Variants in YPEL2 observed in about 807,000 individuals in gnomAD.
YPEL2 encodes the protein yippee like 2.
Under a neutral mutation model 19.1 loss-of-function variants are expected in YPEL2, and 2 were observed. That is an observed-to-expected ratio of 0.10 (90% CI 0.04 to 0.33). The LOEUF (loss-of-function observed/expected upper bound fraction) is 0.33, where lower values mean the gene tolerates loss of function less well. YPEL2 is among the 10% of genes least tolerant of loss of function. The pLI is 1.00. For missense variants in YPEL2, 66 were observed against 140.7 expected (o/e 0.47, Z 2.68); for synonymous variants, 52 against 50.0 (o/e 1.04, Z -0.17).
intron 2 of YPEL2, chr17:59,355,027 T>G (rs1011691770): frequency 6.6e-6 from 1 of 151,942 alleles, no homozygotes; most frequent in Admixed American, 6.6e-5. Flanking sequence ...CTGTATCTAC[T>G]GGGGAAGCCA....
At chr17:59,347,403 C>T (rs769414127) in intron 1 of YPEL2, among the ~76,000 whole-genome samples, 36 of 152,120 alleles carry the variant, frequency 2.4e-4, no homozygotes, top group African/African-American at 3.9e-4. Context: ...TTGGGATTAC[C>T]GACATGAACC....
intron 2 of YPEL2, among the ~76,000 whole-genome samples, chr17:59,368,602 C>G (rs1333825782): frequency 6.6e-6 from 1 of 152,126 alleles, no homozygotes; most frequent in Non-Finnish European, 1.5e-5. Context: ...TGAGCAGAGA[C>G]AGAGAAACAT....
At chr17:59,352,781 A>G (rs1053600121) in intron 1 of YPEL2, among the ~76,000 whole-genome samples, 30 of 152,266 alleles carry the variant, frequency 2.0e-4, no homozygotes, top group African/African-American at 6.0e-4. Flanking sequence ...TAGATGAGAA[A>G]CCCAGGTGTG....
intron 2 of YPEL2, among the ~76,000 whole-genome samples, chr17:59,363,810 G>T (rs937763368): frequency 2.6e-5 from 4 of 152,242 alleles, no homozygotes; most frequent in Non-Finnish European, 2.9e-5. Context: ...GTGTGGCCTA[G>T]GTTCTTTTGG....
In YPEL2 at chr17:59,353,672, T is replaced by C. The variant is rs2047798477; in HGVS notation, c.117+146T>C. On this transcript the variant is annotated intron_variant, in intron 2 of 4. Transcript: ENST00000312655. This position sits in a 1 kb window ranked among gnomAD's most constrained non-coding sequence, Gnocchi z 4.8. ...GACCCACGTGACCGTCTCACTCAACTGAGAAAAACTCTGAGTTGGAGGGAC... is the reference window on the plus strand; with the variant it reads ...GACCCACGTGACCGTCTCACTCAACCGAGAAAAACTCTGAGTTGGAGGGAC... 1 of 718,136 alleles carries C rather than the reference T, an allele frequency of 1.4e-6. No homozygotes were observed. The highest frequency in any genetic ancestry group is 2.5e-6 in the Non-Finnish European group (1 of 394,352). 44.5% of individuals were successfully genotyped at this position (718,136 alleles called of 1,614,324 possible).
chr17:59,332,631 G>C (rs573657912), intron 1 of YPEL2, among the ~76,000 whole-genome samples: 28 of 152,296 alleles, frequency 1.8e-4, no homozygotes, highest in African/African-American at 6.5e-4. Context: ...GTGCGGGGGT[G>C]GGGGACACCT....
intron 4 of YPEL2, among the ~76,000 whole-genome samples, chr17:59,393,902 C>G (rs1335642973): frequency 1.3e-5 from 2 of 152,156 alleles, no homozygotes; most frequent in African/African-American, 4.8e-5. Flanking sequence ...AAAAGTCTCC[C>G]ATGTCTACTT....
At chr17:59,396,617 C>T (rs980034615) in intron 4 of YPEL2, among the ~76,000 whole-genome samples, 5 of 152,120 alleles carry the variant, frequency 3.3e-5, no homozygotes, top group African/African-American at 9.7e-5. Context: ...TGCAGCTAAG[C>T]GAGGGGGACA....
In YPEL2 at chr17:59,395,157, C is replaced by T. The variant is rs560356637; in HGVS notation, c.271-1944C>T. Among the ~76,000 whole-genome samples the T allele has an allele frequency of 8.5e-5, 13 of 152,282 alleles. 1 individual carries two copies. In the South Asian group the frequency reaches 2.5e-3, roughly 29 times the overall value. On this transcript the variant is annotated intron_variant, in intron 4 of 4. Coordinates refer to ENST00000312655, the MANE Select transcript of YPEL2 (RefSeq NM_001005404.4). ...CCTCCTTCCCCCCCAAACACATTAC[C>T]GTGGAACAATGGACCTTATTCCCAA...
intron 2 of YPEL2, chr17:59,354,405 G>A (rs9903669): frequency 1.3e-5 from 2 of 151,864 alleles, no homozygotes; most frequent in Non-Finnish European, 1.5e-5. Context: ...TACGCAGACC[G>A]AGACGAAGTT....
At chr17:59,359,077 C>T (rs1184106988) in intron 2 of YPEL2, among the ~76,000 whole-genome samples, 1 of 152,020 alleles carries the variant, frequency 6.6e-6, no homozygotes, top group Non-Finnish European at 1.5e-5. Flanking sequence ...GTGCACATAA[C>T]CACACCTGGC....
chr17:59,355,208 T>C (rs2147941072), intron 2 of YPEL2: 1 of 152,326 alleles, frequency 6.6e-6, no homozygotes, highest in South Asian at 2.1e-4. Context: ...AGTCATACTT[T>C]ATGCGGATGA....
At chr17:59,358,926 CTTTTT>C (rs35109375) in intron 2 of YPEL2, among the ~76,000 whole-genome samples, 1 of 115,266 alleles carries the variant, frequency 8.7e-6, no homozygotes, top group Non-Finnish European at 1.7e-5. Context: ...TTTCCTTTTT[CTTTTT>C]TTTTTTTTTT....
At chr17:59,337,787 C>T (rs2047707301) in intron 1 of YPEL2, among the ~76,000 whole-genome samples, 1 of 152,084 alleles carries the variant, frequency 6.6e-6, no homozygotes, top group Non-Finnish European at 1.5e-5. Flanking sequence ...TAGGTGTTAA[C>T]ATTTTGGAGA....
At chr17:59,363,158 A>T (rs1480406235) in intron 2 of YPEL2, 1 of 151,468 alleles carries the variant, frequency 6.6e-6, no homozygotes. Context: ...ATAGATATAT[A>T]TATAGAGAGA....
chr17:59,394,432 G>A (rs1447929680), intron 4 of YPEL2, among the ~76,000 whole-genome samples: 1 of 150,380 alleles, frequency 6.6e-6, no homozygotes, highest in African/African-American at 2.5e-5. Flanking sequence ...GGGCAGAGAC[G>A]CTCCTCACTT....
rs143814586 is a variant in YPEL2, at chr17:59,396,641, G to A, written c.271-460G>A. The stretch of plus-strand genomic sequence containing the variant: ...GCGAGGGGGACATAAAGCGCTTGAG[G>A]GGTAGGAATCATCTCGCTGAGTCAA... On this transcript the variant is annotated intron_variant, in intron 4 of 4. Transcript: ENST00000312655. 1.7e-3 allele frequency among the ~76,000 whole-genome samples: 254 copies of A among 152,326 alleles called. 4 individuals are homozygous for A. The highest frequency in any genetic ancestry group is 5.8e-3 in the African/African-American group (241 of 41,576).
intron 1 of YPEL2, among the ~76,000 whole-genome samples, chr17:59,349,638 G>C (rs1221346037): frequency 6.6e-6 from 1 of 151,034 alleles, no homozygotes; most frequent in Non-Finnish European, 1.5e-5. Context: ...CACCTTCCCC[G>C]GCCCCCACAG....
chr17:59,349,173 C>CAAAAAA (rs57129006), intron 1 of YPEL2, among the ~76,000 whole-genome samples: 1 of 57,516 alleles, frequency 1.7e-5, no homozygotes, highest in African/African-American at 5.6e-5. Context: ...GACTCCGTCT[C>CAAAAAA]AAAAAAAAAA....
Sources: gnomAD v4.1 joint callset for allele counts (sites outside exome capture counted in the v4.1 genomes callset) on GRCh38, gnomAD v4.1.1 for gene constraint, Gnocchi (gnomAD v3.1) non-coding constraint, MANE v1.5 for transcripts, NCBI Gene and HGNC (gene_info 2026-07-23, HGNC 2026-07-21) for gene names.